DACH2: variants seen among roughly 807,000 people sequenced by gnomAD.
The protein encoded by DACH2 is dachshund homolog 2.
A neutral mutation model predicts 35.8 loss-of-function variants in DACH2; 17 were observed. The ratio of observed to expected loss-of-function variants is 0.48; its 90% CI spans 0.33 to 0.71. DACH2 has a LOEUF of 0.71. DACH2 is among the 30% of genes least tolerant of loss of function. DACH2 has a pLI of 0.02. For synonymous variants in DACH2, 195 were observed against 177.3 expected (o/e 1.10, Z -0.79); for missense variants, 469 against 472.7 (o/e 0.99, Z 0.07).
At chrX:86,550,554 A>G (rs16980605) in intron 3 of DACH2, among the ~76,000 whole-genome samples, 20,966 of 110,385 alleles carry the variant, frequency 0.19, 1,557 homozygotes, top group East Asian at 0.28. Context: ...TCTTCATACT[A>G]GGGCCATGTC....
intron 7 of DACH2, among the ~76,000 whole-genome samples, chrX:86,789,635 A>G (rs1362266078): frequency 8.9e-5 from 10 of 112,066 alleles, no homozygotes. Context: ...AGCCCTAGAT[A>G]ACATGATATA....
At chrX:86,249,078 G>T (rs1602322046) in intron 1 of DACH2, among the ~76,000 whole-genome samples, 2 of 111,127 alleles carry the variant, frequency 1.8e-5, no homozygotes, top group African/African-American at 6.5e-5. Flanking sequence ...AAACTTATAG[G>T]TAAAACCTAC....
chrX:86,462,177 A>C (rs753870681), intron 2 of DACH2, among the ~76,000 whole-genome samples: 116 of 112,017 alleles, frequency 1.0e-3, no homozygotes, highest in Non-Finnish European at 1.9e-3. Flanking sequence ...ATAAAAGAGA[A>C]GGATGAAATA....
rs1247720012 is a variant in DACH2 at position 86,610,417 on chromosome X, CTTTTCTTTCT to C, written c.641-40616_641-40607del. On this transcript the variant is annotated intron_variant, in intron 3 of 11. Coordinates refer to ENST00000373125, the MANE Select transcript of DACH2 (RefSeq NM_053281.3). ...TCTTTCTTTCTTTCTTTCTTTCTTT[CTTTTCTTTCT>C]TTCTTTCTTTCTTTCTTTCTTTTTC... is the stretch of plus-strand genomic sequence containing the variant. Among the ~76,000 whole-genome samples, 190 of 49,414 alleles carry C rather than the reference CTTTTCTTTCT, an allele frequency of 3.8e-3. 1 individual carries two copies. Among genetic ancestry groups the C allele is most frequent in the African/African-American group, 0.013 (180 of 14,011 alleles). 42.9% of individuals were successfully genotyped at this position (49,414 alleles called of 115,157 possible). A position where few individuals can be genotyped will look rare whatever the true frequency, so the allele number is the denominator to read the frequency against.
rs564606635 is a variant in DACH2, at chrX:86,409,020, C to T, written c.527+32158C>T. On this transcript the variant is annotated intron_variant, in intron 2 of 11. Coordinates refer to ENST00000373125, the MANE Select transcript of DACH2 (RefSeq NM_053281.3). The stretch of plus-strand genomic sequence containing the variant: ...CACAGGTCCTTCAAGAGCCTACCTT[C>T]TTATATCTCTCCAGGATAGTCCAGG... Among the ~76,000 whole-genome samples the T allele has an allele frequency of 5.4e-5, 6 of 111,525 alleles. No individual in the cohort carries two copies. The South Asian group carries it at 2.3e-3, about 42-fold the overall frequency.
intron 4 of DACH2, among the ~76,000 whole-genome samples, chrX:86,675,576 C>T (rs1445024087): frequency 1.8e-5 from 2 of 110,714 alleles, no homozygotes; most frequent in South Asian, 4.0e-4. Context: ...CTCAGCTTCT[C>T]GGGAGGCTGA....
rs990311829 is a variant in DACH2, at chrX:86,278,942, C to T, written c.489-97882C>T. On this transcript the variant is annotated intron_variant, in intron 1 of 11. Transcript: ENST00000373125. ...AAGCCTCCAGAAAGTTTGAAGTGGG[C>T]GGAGCACACCACAGTTCAGCAAAGC... Among the ~76,000 whole-genome samples, 6 of 112,011 alleles carry T rather than the reference C, an allele frequency of 5.4e-5. No homozygotes were observed. The South Asian group carries it at 1.1e-3, about 21-fold the overall frequency.
chrX:86,347,214 T>C (rs2148067407), intron 1 of DACH2, among the ~76,000 whole-genome samples: 1 of 112,386 alleles, frequency 8.9e-6, no homozygotes, highest in South Asian at 3.6e-4. Flanking sequence ...AATATTCAAA[T>C]CATCATTATT....
chrX:86,254,807 T>TATATATATATATATATATATAGAG (rs1380613474), intron 1 of DACH2, among the ~76,000 whole-genome samples: 2 of 49,660 alleles, frequency 4.0e-5, no homozygotes, highest in African/African-American at 2.3e-4. Flanking sequence ...TATATATATA[T>TATATATATATATATATATATAGAG]AGAGAGAGAG....
chrX:86,741,108 T>C (rs1259107080), intron 7 of DACH2, among the ~76,000 whole-genome samples: 3 of 111,704 alleles, frequency 2.7e-5, no homozygotes, highest in Non-Finnish European at 5.7e-5. Flanking sequence ...GTTCTTTAAG[T>C]GAACTCTGAA....
intron 7 of DACH2, among the ~76,000 whole-genome samples, chrX:86,771,502 A>AAT (rs1270590789): frequency 8.9e-6 from 1 of 112,021 alleles, no homozygotes; most frequent in African/African-American, 3.2e-5. Context: ...ACTGATGCTA[A>AAT]AGTATGAAAG....
At chrX:86,157,050 G>A (rs1381743378) in intron 1 of DACH2, among the ~76,000 whole-genome samples, 3 of 110,721 alleles carry the variant, frequency 2.7e-5, no homozygotes, top group Admixed American at 9.6e-5. Context: ...GAAACTACTC[G>A]TATCTGTGTA....
At chrX:86,240,850 C>T (rs1286087975) in intron 1 of DACH2, among the ~76,000 whole-genome samples, 1 of 110,809 alleles carries the variant, frequency 9.0e-6, no homozygotes, top group East Asian at 2.8e-4. Flanking sequence ...GCACCTCCCT[C>T]TTCTCTTTCT....
chrX:86,277,259 C>A (rs1372633853), intron 1 of DACH2, among the ~76,000 whole-genome samples: 1 of 110,694 alleles, frequency 9.0e-6, no homozygotes, highest in Non-Finnish European at 1.9e-5. Context: ...TGATTAATTT[C>A]TAGGTATTTA....
intron 1 of DACH2, among the ~76,000 whole-genome samples, chrX:86,305,476 A>G (rs150492608): frequency 6.0e-4 from 67 of 112,298 alleles, no homozygotes; most frequent in African/African-American, 1.9e-3. Context: ...TAGAACTACT[A>G]AAAGAACAAG....
At chrX:86,676,386 A>G (rs775807709) in intron 4 of DACH2, among the ~76,000 whole-genome samples, 2 of 111,665 alleles carry the variant, frequency 1.8e-5, no homozygotes, top group East Asian at 5.7e-4. Flanking sequence ...TCCCTTTGTA[A>G]ACTAAAGGCT....
intron 2 of DACH2, among the ~76,000 whole-genome samples, chrX:86,397,344 A>C: frequency 9.0e-6 from 1 of 111,594 alleles, no homozygotes; most frequent in Non-Finnish European, 1.9e-5. Flanking sequence ...AAACAGGGAC[A>C]ATTTGACTTC....
At chrX:86,165,462 C>T (rs2030912672) in intron 1 of DACH2, among the ~76,000 whole-genome samples, 2 of 111,085 alleles carry the variant, frequency 1.8e-5, no homozygotes, top group Non-Finnish European at 3.8e-5. Context: ...TACGAAGGTC[C>T]CCTTTTCTCT....
chrX:86,291,795 A>G (rs1241221023), intron 1 of DACH2, among the ~76,000 whole-genome samples: 1 of 58,201 alleles, frequency 1.7e-5, no homozygotes, highest in East Asian at 6.4e-4. Context: ...ATGGTGGATA[A>G]GCTTTTTGAT....
Sources: allele counts gnomAD v4.1 joint callset (sites outside exome capture counted in the v4.1 genomes callset), GRCh38; gene constraint gnomAD v4.1.1; transcripts MANE v1.5; gene names NCBI Gene and HGNC (gene_info 2026-07-23, HGNC 2026-07-21).